SH3RF1: variants seen among roughly 807,000 people sequenced by gnomAD.
The protein encoded by SH3RF1 is E3 ubiquitin-protein ligase SH3RF1.
SH3RF1 carries 32 observed loss-of-function variants against 74.0 expected under a neutral mutation model. The observed-to-expected ratio is 0.43, with a 90% CI of 0.33 to 0.58. The LOEUF (loss-of-function observed/expected upper bound fraction) is 0.58, where lower values mean the gene tolerates loss of function less well. SH3RF1 is among the 20% of genes least tolerant of loss of function. The pLI, the probability that SH3RF1 is intolerant of heterozygous loss-of-function variation, is 0.05. For missense variants in SH3RF1, 954 were observed against 1,130.9 expected (o/e 0.84, Z 2.24); for synonymous variants, 396 against 439.6 (o/e 0.90, Z 1.24).
rs998841773 is a variant in SH3RF1 at position 169,095,979 on chromosome 4, A to G, written c.*540T>C. The G allele has an allele frequency of 6.6e-6, 1 of 152,244 alleles. No individual in the cohort carries two copies. The highest frequency in any genetic ancestry group is 1.5e-5 in the Non-Finnish European group (1 of 68,060). 9.4% of individuals were successfully genotyped at this position (152,244 alleles called of 1,614,324 possible). On this transcript the variant is annotated 3_prime_UTR_variant, in exon 12 of 12. Transcript: ENST00000284637. ...CCAAAGAAGAAAACCAAATTAGAGAACTGGGATTTCTATCTTAAAGAAGCA... is the reference window on the plus strand; with the variant it reads ...CCAAAGAAGAAAACCAAATTAGAGAGCTGGGATTTCTATCTTAAAGAAGCA...
chr4:169,113,081 C>T (rs963379579), intron 10 of SH3RF1, among the ~76,000 whole-genome samples: 2 of 151,384 alleles, frequency 1.3e-5, no homozygotes, highest in African/African-American at 2.4e-5. Context: ...ACTGAACAGG[C>T]AAGGAAAGGC....
chr4:169,217,875 A>T (rs943455802), intron 2 of SH3RF1, among the ~76,000 whole-genome samples: 4 of 152,282 alleles, frequency 2.6e-5, no homozygotes, highest in East Asian at 1.9e-4. Flanking sequence ...AAAAAAGTTT[A>T]ATGAGGGAAA....
intron 6 of SH3RF1, among the ~76,000 whole-genome samples, chr4:169,127,478 T>G (rs1733547257): frequency 6.6e-6 from 1 of 152,226 alleles, no homozygotes; most frequent in South Asian, 2.1e-4. Flanking sequence ...CTCCTGCTAC[T>G]GAGATTTTCC....
intron 10 of SH3RF1, among the ~76,000 whole-genome samples, chr4:169,108,228 T>C (rs146416267): frequency 2.0e-5 from 3 of 152,360 alleles, no homozygotes; most frequent in African/African-American, 7.2e-5. Context: ...TAGAGAACTA[T>C]TTCTTTAGAA....
At chr4:169,119,781 C>G (rs1733407413) in intron 8 of SH3RF1, among the ~76,000 whole-genome samples, 2 of 152,046 alleles carry the variant, frequency 1.3e-5, no homozygotes, top group Non-Finnish European at 2.9e-5. Context: ...CATGTCAGTT[C>G]ATTAAGCTAT....
Position 169,094,735 on chromosome 4 carries a change from T to TC in SH3RF1, c.*1783_*1784insG, listed in dbSNP as rs1369750617. 2.4e-3 allele frequency: 4 copies of TC among 1,672 alleles called. No individual in the cohort carries two copies. The Non-Finnish European group carries it at 0.079, about 33-fold the overall frequency. The allele number at this position is 1,672 out of a possible 1,614,324, so 0.1% of individuals were successfully genotyped here. The stretch of plus-strand genomic sequence containing the variant: ...ATTACATGAATATCCAAGTAAAGTA[T>TC]TTTTTTTTTAAATTCAACACACAGG... On this transcript the variant is annotated 3_prime_UTR_variant, in exon 12 of 12. Transcript: ENST00000284637.
intron 2 of SH3RF1, among the ~76,000 whole-genome samples, chr4:169,260,357 CCT>C (rs879636985): frequency 7.2e-5 from 11 of 152,074 alleles, no homozygotes; most frequent in Non-Finnish European, 1.2e-4. Flanking sequence ...TCCTGCTCCC[CCT>C]GTCTGTTCTA....
At chr4:169,193,621 A>T (rs1734763851) in intron 2 of SH3RF1, among the ~76,000 whole-genome samples, 2 of 152,132 alleles carry the variant, frequency 1.3e-5, no homozygotes, top group Admixed American at 6.6e-5. Flanking sequence ...GCTTATTGTA[A>T]TGGCTGAGTA....
chr4:169,103,338 CA>C (rs1313968304), intron 11 of SH3RF1, among the ~76,000 whole-genome samples: 29 of 151,950 alleles, frequency 1.9e-4, no homozygotes, highest in Admixed American at 2.0e-4. Context: ...CATAGTGTCC[CA>C]ATAATATAAA....
intron 10 of SH3RF1, among the ~76,000 whole-genome samples, chr4:169,113,689 T>G (rs1168912668): frequency 6.6e-6 from 1 of 152,128 alleles, no homozygotes; most frequent in Non-Finnish European, 1.5e-5. Flanking sequence ...AAAGACACTC[T>G]AGTCATGAAG....
chr4:169,103,917 A>G (rs544910243), intron 11 of SH3RF1, among the ~76,000 whole-genome samples: 1 of 152,350 alleles, frequency 6.6e-6, no homozygotes, highest in African/African-American at 2.4e-5. Flanking sequence ...AAAGAATTCC[A>G]GCATGCCCAG....
At chr4:169,235,727 T>C (rs763991006) in intron 2 of SH3RF1, among the ~76,000 whole-genome samples, 6 of 152,196 alleles carry the variant, frequency 3.9e-5, no homozygotes, top group Non-Finnish European at 7.3e-5. Flanking sequence ...GTTTTGCTCT[T>C]GTTGCCCAAG....
In SH3RF1 at chr4:169,116,491, G is replaced by A. The variant is rs1240836794; in HGVS notation, c.1917C>T (p.Gly639=). Residue 639 remains glycine (G), a synonymous_variant, in exon 10 of 12, where the codon GGC becomes GGT. Transcript: ENST00000284637. ...TGATGGCAGCAGTGTGCGTGGCTGA[G>A]CCTGGCATCAGAGGCGCAGGTTGTG... ...ASPQPAPLMP[G]SATHTAAISI... 6.2e-7 allele frequency: 1 copy of A among 1,613,716 alleles called. No homozygotes were observed. Among genetic ancestry groups the A allele is most frequent in the South Asian group, 1.1e-5 (1 of 90,944 alleles).
In SH3RF1 at chr4:169,116,489, G is replaced by A. The variant is rs1237561238; in HGVS notation, c.1919C>T (p.Ser640Leu). ...ACTGATGGCAGCAGTGTGCGTGGCT[G>A]AGCCTGGCATCAGAGGCGCAGGTTG... Reference protein sequence around the residue: ...SPQPAPLMPGSATHTAAISIS... With the variant: ...SPQPAPLMPGLATHTAAISIS... Residue 640 changes from serine to leucine, a missense_variant, in exon 10 of 12, where the codon TCA becomes TTA. Ser to Leu is a moderately radical substitution (Grantham distance 145). This residue lies in a region of SH3RF1 where 854 missense variants were observed against 962.5 expected (regional missense o/e 0.89). Transcript: ENST00000284637. The A allele has an allele frequency of 1.2e-6, 2 of 1,613,558 alleles. No individual in the cohort carries two copies. The highest frequency in any genetic ancestry group is 1.7e-6 in the Non-Finnish European group (2 of 1,179,834).
chr4:169,141,812 C>CTTTTT (rs35864108), intron 4 of SH3RF1, among the ~76,000 whole-genome samples: 1 of 118,530 alleles, frequency 8.4e-6, no homozygotes, highest in Non-Finnish European at 1.8e-5. Context: ...CTAATTTTTG[C>CTTTTT]TTTTTTTTTT....
intron 5 of SH3RF1, among the ~76,000 whole-genome samples, chr4:169,133,386 A>T (rs1312747398): frequency 6.6e-6 from 1 of 151,744 alleles, no homozygotes; most frequent in African/African-American, 2.4e-5. Flanking sequence ...GAGGCAGGAG[A>T]ATTGCTTGAA....
chr4:169,255,251 C>A (rs1731167207), intron 2 of SH3RF1, among the ~76,000 whole-genome samples: 1 of 152,002 alleles, frequency 6.6e-6, no homozygotes, highest in Admixed American at 6.5e-5. Flanking sequence ...AATATTTTAA[C>A]TATAAATAGA....
intron 4 of SH3RF1, among the ~76,000 whole-genome samples, chr4:169,152,217 CAA>C (rs1423238905): frequency 6.6e-6 from 1 of 152,130 alleles, no homozygotes; most frequent in Non-Finnish European, 1.5e-5. Context: ...AAGGCTCAAC[CAA>C]AGAGAGGTCT....
At chr4:169,242,419 A>G (rs540074280) in intron 2 of SH3RF1, among the ~76,000 whole-genome samples, 2 of 152,360 alleles carry the variant, frequency 1.3e-5, no homozygotes, top group Non-Finnish European at 2.9e-5. Context: ...TTAAATTCAT[A>G]TGTCCTAATA....
Sources: allele counts gnomAD v4.1 joint callset (sites outside exome capture counted in the v4.1 genomes callset), GRCh38; gene constraint gnomAD v4.1.1; regional missense constraint gnomAD v4.1.1; transcripts MANE v1.5; gene names NCBI Gene and HGNC (gene_info 2026-07-23, HGNC 2026-07-21).